Variants in PCSK6 observed in about 807,000 individuals in gnomAD.
PCSK6 encodes the protein paired basic amino acid cleaving enzyme 4.
PCSK6 carries 85 observed loss-of-function variants against 123.3 expected under a neutral mutation model. The ratio of observed to expected loss-of-function variants is 0.69; its 90% CI spans 0.58 to 0.83. The LOEUF (loss-of-function observed/expected upper bound fraction) is 0.83. Ranked by LOEUF, PCSK6 falls within the 40% of genes least tolerant of loss-of-function variation. The pLI, the probability that PCSK6 is intolerant of heterozygous loss-of-function variation, is 0.00. For missense variants in PCSK6, 1,191 were observed against 1,282.3 expected (o/e 0.93, Z 1.09); for synonymous variants, 508 against 516.0 (o/e 0.98, Z 0.21).
intron 9 of PCSK6, among the ~76,000 whole-genome samples, chr15:101,385,910 G>A (rs183698071): frequency 3.0e-4 from 46 of 152,160 alleles, no homozygotes; most frequent in Admixed American, 5.9e-4. Flanking sequence ...TTTTTTAGTC[G>A]GTTAAATTGA....
Position 101,370,362 on chromosome 15 carries a change from C to G in PCSK6, c.1694G>C (p.Gly565Ala), listed in dbSNP as rs985847559. ...CTTTGCCAGAAGTTGAGACTTGGTT[C>G]CCGAGGGAGAAACCAGGTAGATCTG... ...DLQIYLVSPS[G>A]TKSQLLAKRL... Residue 565 changes from glycine to alanine, a missense_variant, in exon 12 of 22, where the codon GGA becomes GCA. Gly to Ala is a moderately conservative substitution (Grantham distance 60, BLOSUM62 0). Coordinates refer to ENST00000611716, the MANE Select transcript of PCSK6 (RefSeq NM_002570.5). The G allele has an allele frequency of 3.9e-6, 6 of 1,551,274 alleles. No homozygotes were observed. The Admixed American group carries it at 1.2e-4, about 30-fold the overall frequency.
chr15:101,437,715 AT>A lies in PCSK6; in HGVS notation c.403-5616del, dbSNP rs572089623. ...GCTCTTTGGGAAAGTAAAGCTACTC[AT>A]TTGTAAGTTAGTTCTTATTTTGCTG... is the stretch of plus-strand genomic sequence containing the variant. On this transcript the variant is annotated intron_variant, in intron 2 of 21. Coordinates refer to ENST00000611716, the MANE Select transcript of PCSK6 (RefSeq NM_002570.5). 1.7e-3 allele frequency among the ~76,000 whole-genome samples: 258 copies of A among 152,198 alleles called. 1 individual carries two copies. Among genetic ancestry groups the A allele is most frequent in the African/African-American group, 5.8e-3 (239 of 41,538 alleles).
chr15:101,476,480 T>G (rs921597654), intron 1 of PCSK6, among the ~76,000 whole-genome samples: 1 of 151,176 alleles, frequency 6.6e-6, no homozygotes, highest in Non-Finnish European at 1.5e-5. Flanking sequence ...CATGGGAAGA[T>G]TCCCAAGACG....
At chr15:101,449,975 C>T (rs547265641) in intron 1 of PCSK6, among the ~76,000 whole-genome samples, 5 of 152,180 alleles carry the variant, frequency 3.3e-5, no homozygotes, top group African/African-American at 1.2e-4. Context: ...TGGCAGGACC[C>T]CTAGGTCAGC....
intron 1 of PCSK6, among the ~76,000 whole-genome samples, chr15:101,478,945 T>G (rs186275907): frequency 5.3e-5 from 8 of 152,358 alleles, no homozygotes; most frequent in African/African-American, 1.9e-4. Context: ...ATGATTTGCC[T>G]TTGGTGAATG....
At chr15:101,420,282 A>G (rs1311683939) in intron 6 of PCSK6, among the ~76,000 whole-genome samples, 1 of 150,384 alleles carries the variant, frequency 6.6e-6, no homozygotes, top group Non-Finnish European at 1.5e-5. Context: ...TAGAGGAAAT[A>G]CAAAACAGGT....
intron 10 of PCSK6, among the ~76,000 whole-genome samples, chr15:101,383,811 C>A (rs1380857671): frequency 1.3e-5 from 2 of 152,086 alleles, no homozygotes; most frequent in Non-Finnish European, 2.9e-5. Context: ...AGAAAAAATA[C>A]GTAACTACAT....
chr15:101,393,450 T>C, intron 7 of PCSK6, 26 bp from the exon 8 acceptor site: 1 of 1,585,630 alleles, frequency 6.3e-7, no homozygotes, highest in Non-Finnish European at 8.6e-7. Context: ...GAACAAGGCT[T>C]AGCCCCGCAG....
intron 2 of PCSK6, among the ~76,000 whole-genome samples, chr15:101,434,592 GCA>G (rs919491458): frequency 3.1e-4 from 47 of 152,260 alleles, no homozygotes; most frequent in African/African-American, 1.1e-3. Flanking sequence ...GCGGCCCGCA[GCA>G]CAGTTTGGGG....
chr15:101,462,212 A>T (rs2057355667), intron 1 of PCSK6, among the ~76,000 whole-genome samples: 1 of 152,244 alleles, frequency 6.6e-6, no homozygotes, highest in African/African-American at 2.4e-5. Context: ...ACTGTTAGAC[A>T]CTTAAGGTAC....
intron 9 of PCSK6, among the ~76,000 whole-genome samples, chr15:101,387,067 T>C (rs1374110294): frequency 6.6e-6 from 1 of 152,128 alleles, no homozygotes; most frequent in Non-Finnish European, 1.5e-5. Context: ...ACTTCTCCAA[T>C]GTGTTCTTGC....
intron 19 of PCSK6, among the ~76,000 whole-genome samples, chr15:101,317,864 G>A (rs1027611949): frequency 2.0e-5 from 3 of 152,154 alleles, no homozygotes; most frequent in African/African-American, 4.8e-5. Flanking sequence ...CCAACAAAAC[G>A]TTTTCCTTTT....
intron 1 of PCSK6, among the ~76,000 whole-genome samples, chr15:101,447,273 C>A (rs1285046013): frequency 6.6e-6 from 1 of 152,024 alleles, no homozygotes; most frequent in Non-Finnish European, 1.5e-5. Context: ...GCTGTGAGGC[C>A]CCCAGGCTCA....
chr15:101,347,126 C>T (rs1246399052), intron 13 of PCSK6: 4 of 1,231,744 alleles, frequency 3.2e-6, no homozygotes, highest in Non-Finnish European at 4.0e-6. Context: ...TCTATAATTG[C>T]ACTTTCCAGA....
At chr15:101,348,081 C>T (rs2040784371) in intron 13 of PCSK6, among the ~76,000 whole-genome samples, 1 of 152,234 alleles carries the variant, frequency 6.6e-6, no homozygotes, top group African/African-American at 2.4e-5. Flanking sequence ...CTCCAGGCAG[C>T]CAGATGCTGG....
intron 5 of PCSK6, among the ~76,000 whole-genome samples, chr15:101,429,313 G>T (rs886819041): frequency 3.9e-5 from 6 of 152,078 alleles, no homozygotes; most frequent in Non-Finnish European, 8.8e-5. Flanking sequence ...TGGGCTCTCC[G>T]GACCCCACTG....
chr15:101,325,516 G>A (rs76061078), intron 16 of PCSK6, among the ~76,000 whole-genome samples: 3,780 of 152,306 alleles, frequency 0.025, 110 homozygotes, highest in East Asian at 0.12. Flanking sequence ...GGCCGCACCC[G>A]TGCCTGAGCC....
chr15:101,358,630 G>A (rs1446727922), intron 13 of PCSK6, among the ~76,000 whole-genome samples: 1 of 152,212 alleles, frequency 6.6e-6, no homozygotes, highest in Admixed American at 6.5e-5. Context: ...GTTAGGATAC[G>A]CAGACCTCCC....
chr15:101,312,773 A>G (rs1418651289), intron 20 of PCSK6, among the ~76,000 whole-genome samples: 1 of 152,110 alleles, frequency 6.6e-6, no homozygotes, highest in Admixed American at 6.5e-5. Context: ...CGGAGCTTGC[A>G]ATGAGCCGAG....
Sources: gnomAD v4.1 joint callset for allele counts (sites outside exome capture counted in the v4.1 genomes callset) on GRCh38, gnomAD v4.1.1 for gene constraint, MANE v1.5 for transcripts, NCBI Gene and HGNC (gene_info 2026-07-23, HGNC 2026-07-21) for gene names.